Variants in FAM169A observed in about 807,000 individuals in gnomAD.
FAM169A encodes soluble lamin-associated protein of 75 kDa.
Under a neutral mutation model 75.7 loss-of-function variants are expected in FAM169A, and 24 were observed. That is an observed-to-expected ratio of 0.32 (90% confidence interval 0.23 to 0.45). The LOEUF (loss-of-function observed/expected upper bound fraction) is 0.45. Among genes scored for constraint, FAM169A ranks in the 20% least tolerant of loss-of-function variants. The probability of loss-of-function intolerance (pLI) is 1.00; values close to 1 mark genes in which losing one functional copy is unlikely to be tolerated. For synonymous variants in FAM169A, 271 were observed against 271.0 expected (o/e 1.00, Z 0.00); for missense variants, 673 against 784.0 (o/e 0.86, Z 1.69).
At chr5:74,838,330 T>C (rs1174300972) in intron 4 of FAM169A, among the ~76,000 whole-genome samples, 1 of 152,114 alleles carries the variant, frequency 6.6e-6, no homozygotes, top group African/African-American at 2.4e-5. Flanking sequence ...ACCAAAGATT[T>C]CATCTTTTTT....
chr5:74,797,079 A>T (rs771353614), intron 10 of FAM169A, among the ~76,000 whole-genome samples: 1 of 152,144 alleles, frequency 6.6e-6, no homozygotes, highest in Non-Finnish European at 1.5e-5. Flanking sequence ...AATGCACATC[A>T]TCTACACCTG....
At chr5:74,854,947 A>C (rs932474168) in intron 1 of FAM169A, among the ~76,000 whole-genome samples, 2 of 151,986 alleles carry the variant, frequency 1.3e-5, no homozygotes, top group African/African-American at 4.8e-5. Context: ...TGATATACTG[A>C]TTTCTTTCTT....
At chr5:74,834,204 T>C (rs1748457900) in intron 5 of FAM169A, among the ~76,000 whole-genome samples, 1 of 152,202 alleles carries the variant, frequency 6.6e-6, no homozygotes. Flanking sequence ...AGAAATCTTC[T>C]TCGGGATCAA....
At chr5:74,826,658 T>C (rs72764676) in intron 5 of FAM169A, among the ~76,000 whole-genome samples, 22,243 of 152,154 alleles carry the variant, frequency 0.15, 1,879 homozygotes, top group African/African-American at 0.23. Flanking sequence ...TTAAAAACAA[T>C]TGTAGACTTA....
At chr5:74,830,762 A>T (rs1177781476) in intron 5 of FAM169A, among the ~76,000 whole-genome samples, 3 of 152,154 alleles carry the variant, frequency 2.0e-5, no homozygotes, top group Non-Finnish European at 4.4e-5. Flanking sequence ...TGAAACTATA[A>T]TGTCTGAAAA....
intron 11 of FAM169A, among the ~76,000 whole-genome samples, chr5:74,784,701 A>G (rs1224548940): frequency 3.2e-4 from 48 of 150,298 alleles, no homozygotes; most frequent in African/African-American, 1.0e-3. Flanking sequence ...GGCGGATCAC[A>G]AGGTCAGGAG....
chr5:74,827,870 C>T (rs985419894), intron 5 of FAM169A, among the ~76,000 whole-genome samples: 4 of 151,748 alleles, frequency 2.6e-5, no homozygotes, highest in Non-Finnish European at 5.9e-5. Flanking sequence ...TTCACCATGT[C>T]GTCTAGGCTC....
chr5:74,855,672 T>C (rs137942047), intron 1 of FAM169A, among the ~76,000 whole-genome samples: 1 of 152,362 alleles, frequency 6.6e-6, no homozygotes, highest in Non-Finnish European at 1.5e-5. Context: ...GTTCCTTATA[T>C]ATTCTGGTTA....
chr5:74,810,921 C>A (rs528760191), intron 6 of FAM169A, among the ~76,000 whole-genome samples: 50 of 148,348 alleles, frequency 3.4e-4, no homozygotes, highest in African/African-American at 7.7e-4. Flanking sequence ...AGTGATCCTC[C>A]TGCCTCAGTC....
At chr5:74,856,623 T>C (rs952974609) in intron 1 of FAM169A, among the ~76,000 whole-genome samples, 1 of 151,992 alleles carries the variant, frequency 6.6e-6, no homozygotes, top group Non-Finnish European at 1.5e-5. Flanking sequence ...TAATCATCCA[T>C]TGCTGAAGGA....
intron 10 of FAM169A, chr5:74,798,874 A>AT: frequency 1.9e-6 from 1 of 528,282 alleles, no homozygotes; most frequent in Non-Finnish European, 3.4e-6. Flanking sequence ...AATTGAGGGT[A>AT]TTTTAAAACT....
intron 5 of FAM169A, among the ~76,000 whole-genome samples, chr5:74,814,227 T>C (rs992253378): frequency 2.0e-5 from 3 of 152,194 alleles, no homozygotes; most frequent in African/African-American, 7.2e-5. Flanking sequence ...ATGTATTTTA[T>C]GTTTGCTAGT....
At chr5:74,816,085 C>T (rs1178171734) in intron 5 of FAM169A, among the ~76,000 whole-genome samples, 1 of 152,202 alleles carries the variant, frequency 6.6e-6, no homozygotes, top group Non-Finnish European at 1.5e-5. Flanking sequence ...CTCTTGGACC[C>T]CTTTCCGGTA....
intron 11 of FAM169A, among the ~76,000 whole-genome samples, chr5:74,789,972 G>A (rs1415753253): frequency 1.3e-5 from 2 of 152,190 alleles, no homozygotes; most frequent in African/African-American, 4.8e-5. Context: ...ATCATGAACT[G>A]GGTGCTTTCT....
rs776299584 is a variant in FAM169A, at chr5:74,800,860, T to TA, written c.1103+19dup. 8 of 1,351,524 alleles carry TA rather than the reference T, an allele frequency of 5.9e-6. No homozygotes were observed. Among genetic ancestry groups the TA allele is most frequent in the Non-Finnish European group, 7.7e-6 (8 of 1,037,714 alleles). The allele number at this position is 1,351,524 out of a possible 1,614,324, so 83.7% of individuals were successfully genotyped here. The stretch of plus-strand genomic sequence containing the variant: ...TAAAAGTACAAATAAAAAATGAGAG[T>TA]AAAATCAACAATTATTTACTTGTTT... On this transcript the variant is annotated intron_variant, in intron 10 of 12. Transcript: ENST00000687041.
At chr5:74,791,487 A>C (rs1404364891) in intron 11 of FAM169A, among the ~76,000 whole-genome samples, 1 of 152,240 alleles carries the variant, frequency 6.6e-6, no homozygotes, top group African/African-American at 2.4e-5. Context: ...CTGGAAGTTA[A>C]GATTGCCACT....
intron 6 of FAM169A, among the ~76,000 whole-genome samples, chr5:74,812,055 T>C (rs1053654708): frequency 5.3e-5 from 8 of 152,240 alleles, no homozygotes; most frequent in Admixed American, 2.0e-4. Context: ...TCGACCATAT[T>C]GGCAACAAGC....
At chr5:74,866,631 G>T, upstream of FAM169A, 1 of 745,232 alleles carries the variant, frequency 1.3e-6, no homozygotes, top group Non-Finnish European at 1.6e-6. Flanking sequence ...CCGGCAGCGC[G>T]ACGCCCAGCT....
chr5:74,842,396 G>A (rs1209036920), intron 1 of FAM169A, among the ~76,000 whole-genome samples: 1 of 108,974 alleles, frequency 9.2e-6, no homozygotes, highest in Non-Finnish European at 1.7e-5. Flanking sequence ...ACTCCAGTCT[G>A]GGTGAAAGAG....
Sources: allele counts gnomAD v4.1 joint callset (sites outside exome capture counted in the v4.1 genomes callset), GRCh38; gene constraint gnomAD v4.1.1; transcripts MANE v1.5; gene names NCBI Gene and HGNC (gene_info 2026-07-23, HGNC 2026-07-21).